The following AAK1 variants were observed in gnomAD, a reference collection of about 807,000 sequenced individuals.
AAK1 encodes AP2 associated kinase 1, also known as AP2-associated protein kinase 1.
A neutral mutation model predicts 116.0 loss-of-function variants in AAK1; 37 were observed. The observed-to-expected ratio is 0.32, with a 90% CI of 0.25 to 0.42. The LOEUF is 0.42. AAK1 is among the 10% of genes least tolerant of loss of function. The pLI is 1.00. For missense variants in AAK1, 919 were observed against 1,170.6 expected, an observed-to-expected ratio of 0.79 and a Z score of 3.14; for synonymous variants, 458 against 439.9, an observed-to-expected ratio of 1.04 and a Z score of -0.51.
intron 2 of AAK1, among the ~76,000 whole-genome samples, chr2:69,592,077 T>C (rs902153590): frequency 6.6e-6 from 1 of 152,196 alleles, no homozygotes; most frequent in Admixed American, 6.5e-5. Flanking sequence ...AGATCTTTCA[T>C]TGCAGTTTGG....
rs1237766238 is a variant in AAK1 at position 69,509,923 on chromosome 2, T to C, written c.1777-463A>G. Among the ~76,000 whole-genome samples, 3 of 152,318 alleles carry C rather than the reference T, an allele frequency of 2.0e-5. No homozygotes were observed. In the East Asian group the frequency reaches 5.8e-4, roughly 29 times the overall value. ...GAAGACGTATCTCCAGCGAAACACA[T>C]TTAAGCTGAATGATTTCTGCTAAGA... is the stretch of plus-strand genomic sequence containing the variant. On this transcript the variant is annotated intron_variant, in intron 13 of 21. Transcript: ENST00000409085.
chr2:69,522,006 A>G (rs940277359), intron 10 of AAK1, among the ~76,000 whole-genome samples: 8 of 152,194 alleles, frequency 5.3e-5, no homozygotes, highest in Admixed American at 5.2e-4. Flanking sequence ...CGCAGCTGTC[A>G]CTTTGGACTT....
intron 2 of AAK1, among the ~76,000 whole-genome samples, chr2:69,633,163 G>C (rs886662352): frequency 3.3e-5 from 5 of 149,820 alleles, no homozygotes; most frequent in African/African-American, 9.9e-5. Flanking sequence ...AGCTTGCAGT[G>C]AGCCGAGATC....
chr2:69,476,030 G>A, intron 21 of AAK1, 67 bp from the exon 22 acceptor site: 1 of 1,491,888 alleles, frequency 6.7e-7, no homozygotes, highest in Non-Finnish European at 9.0e-7. Context: ...TGCAGAGCAA[G>A]CAAAGAAGAA....
At chr2:69,563,967 G>A (rs1671756280) in intron 2 of AAK1, among the ~76,000 whole-genome samples, 1 of 152,170 alleles carries the variant, frequency 6.6e-6, no homozygotes, top group African/African-American at 2.4e-5. Context: ...GCCGAGGCAG[G>A]TGGATCACGA....
At chr2:69,554,919 T>C (rs1283101534) in intron 3 of AAK1, among the ~76,000 whole-genome samples, 8 of 152,208 alleles carry the variant, frequency 5.3e-5, no homozygotes, top group Non-Finnish European at 1.2e-4. Context: ...GCCCATTAAT[T>C]TGTGAGCTCC....
chr2:69,538,573 T>C (rs2105042421), intron 5 of AAK1, among the ~76,000 whole-genome samples: 2 of 152,342 alleles, frequency 1.3e-5, no homozygotes, highest in East Asian at 1.9e-4. Context: ...TTTAATCCAG[T>C]AAGTGTTTAA....
chr2:69,474,675 A>T lies in AAK1; in HGVS notation c.*1194T>A. ...CAGCTTGTCAGCACACTTATTTCTG[A>T]TTATCTGAAAATAAACAACATGCTT... On this transcript the variant is annotated 3_prime_UTR_variant, in exon 22 of 22. Transcript: ENST00000409085. The T allele has an allele frequency of 5.1e-6, 5 of 985,796 alleles. No homozygotes were observed. Among genetic ancestry groups the T allele is most frequent in the Non-Finnish European group, 6.0e-6 (5 of 829,920 alleles). The allele number at this position is 985,796 out of a possible 1,614,324, so 61.1% of individuals were successfully genotyped here.
intron 2 of AAK1, among the ~76,000 whole-genome samples, chr2:69,606,408 A>G (rs568880810): frequency 2.6e-4 from 40 of 152,348 alleles, no homozygotes; most frequent in African/African-American, 8.9e-4. Flanking sequence ...TGCTGGAGAT[A>G]CAAAGATAAA....
intron 2 of AAK1, among the ~76,000 whole-genome samples, chr2:69,627,183 G>A (rs1674941067): frequency 6.6e-6 from 1 of 151,944 alleles, no homozygotes; most frequent in East Asian, 1.9e-4. Context: ...CAGCTACTAG[G>A]AAGGCTGAGG....
At chr2:69,526,674 A>G (rs772832336) in intron 9 of AAK1, among the ~76,000 whole-genome samples, 10 of 152,248 alleles carry the variant, frequency 6.6e-5, no homozygotes, top group Non-Finnish European at 1.2e-4. Flanking sequence ...AACTGAGTGC[A>G]GAGTTTAGGA....
At chr2:69,571,838 C>CG (rs2105120818) in intron 2 of AAK1, among the ~76,000 whole-genome samples, 2 of 152,196 alleles carry the variant, frequency 1.3e-5, no homozygotes, top group Admixed American at 1.3e-4. Flanking sequence ...CTTGAGCTGA[C>CG]GGATCAGTGT....
intron 18 of AAK1, 71 bp downstream of exon 18, chr2:69,482,640 T>G (rs1410926316): frequency 7.9e-7 from 1 of 1,273,392 alleles, no homozygotes; most frequent in African/African-American, 1.5e-5. Context: ...ATTGGTTAAC[T>G]AGGTACTTGT....
In AAK1 at chr2:69,603,788, G is replaced by A. The variant is rs368931511; in HGVS notation, c.163+39090C>T. Among the ~76,000 whole-genome samples, 16 of 152,244 alleles carry A rather than the reference G, an allele frequency of 1.1e-4. 1 individual carries two copies. The highest frequency in any genetic ancestry group is 1.9e-4 in the African/African-American group (8 of 41,522). On this transcript the variant is annotated intron_variant, in intron 2 of 21. Transcript: ENST00000409085. ...TCATCTGCTTTGCAGGCTACACAGC[G>A]TAAGGAGCATATTATTTAGAGAACA...
At chr2:69,555,622 A>G (rs1440113128) in intron 3 of AAK1, among the ~76,000 whole-genome samples, 1 of 152,168 alleles carries the variant, frequency 6.6e-6, no homozygotes, top group Non-Finnish European at 1.5e-5. Flanking sequence ...CCATTATTCA[A>G]ATACTAATTT....
chr2:69,471,230 C>T lies in AAK1; in HGVS notation c.*4639G>A. ...ACGTGTCTTTAATTCTAGCAACTACCACCATTTGGTAACTTCTTTGCATAG... is the reference window on the plus strand; with the variant it reads ...ACGTGTCTTTAATTCTAGCAACTACTACCATTTGGTAACTTCTTTGCATAG... On this transcript the variant is annotated 3_prime_UTR_variant, in exon 22 of 22. Transcript: ENST00000409085. 1 of 985,428 alleles carries T rather than the reference C, an allele frequency of 1.0e-6. No individual in the cohort carries two copies. Among genetic ancestry groups the T allele is most frequent in the Non-Finnish European group, 1.2e-6 (1 of 829,928 alleles). The allele number at this position is 985,428 out of a possible 1,614,324, so 61.0% of individuals were successfully genotyped here. A position where few individuals can be genotyped will look rare whatever the true frequency, so the allele number is the denominator to read the frequency against.
intron 2 of AAK1, among the ~76,000 whole-genome samples, chr2:69,592,228 T>G (rs1340774378): frequency 6.6e-6 from 1 of 152,224 alleles, no homozygotes; most frequent in African/African-American, 2.4e-5. Flanking sequence ...CCAGTGTTTC[T>G]TATTGGGTAC....
chr2:69,564,784 C>T (rs1266987090), intron 2 of AAK1, among the ~76,000 whole-genome samples: 1 of 152,168 alleles, frequency 6.6e-6, no homozygotes, highest in East Asian at 1.9e-4. Context: ...ATTGTATCAA[C>T]CAGCCCCTAG....
In AAK1 at chr2:69,469,652, G is replaced by T; in HGVS notation, c.*6217C>A. ...TGTACCTCAGGGGCTAAAGCCCAGG[G>T]CCTGGCTTCATAGTCTGCACAGGGT... On this transcript the variant is annotated 3_prime_UTR_variant, in exon 22 of 22. Coordinates refer to ENST00000409085, the MANE Select transcript of AAK1 (RefSeq NM_014911.5). 1 of 985,474 alleles carries T rather than the reference G, an allele frequency of 1.0e-6. No individual in the cohort carries two copies. Among genetic ancestry groups the T allele is most frequent in the Non-Finnish European group, 1.2e-6 (1 of 829,954 alleles). The allele number at this position is 985,474 out of a possible 1,614,324, so 61.0% of individuals were successfully genotyped here.
Sources: gnomAD v4.1 joint callset for allele counts (sites outside exome capture counted in the v4.1 genomes callset) on GRCh38, gnomAD v4.1.1 for gene constraint, MANE v1.5 for transcripts, NCBI Gene and HGNC (gene_info 2026-07-23, HGNC 2026-07-21) for gene names.